Variants in ITPR1 observed in about 807,000 individuals in gnomAD.
ITPR1 encodes inositol 1,4,5-trisphosphate-gated calcium channel ITPR1.
A neutral mutation model predicts 318.4 loss-of-function variants in ITPR1; 96 were observed. That is an observed-to-expected ratio of 0.30 (90% CI 0.26 to 0.36). The LOEUF (loss-of-function observed/expected upper bound fraction) is 0.36. ITPR1 is among the 10% of genes least tolerant of loss of function. The probability of loss-of-function intolerance (pLI) is 1.00; values close to 1 mark genes in which losing one functional copy is unlikely to be tolerated. For missense variants in ITPR1, 2,440 were observed against 3,460.2 expected (o/e 0.71, Z 7.40); for synonymous variants, 1,312 against 1,289.9 (o/e 1.02, Z -0.37).
chr3:4,623,241 A>G (rs968394241), intron 4 of ITPR1, among the ~76,000 whole-genome samples: 2 of 152,130 alleles, frequency 1.3e-5, no homozygotes, highest in African/African-American at 4.8e-5. Flanking sequence ...CCTTGATACA[A>G]TGGAAGCTCA....
intron 4 of ITPR1, among the ~76,000 whole-genome samples, chr3:4,594,313 C>T (rs80253153): frequency 1.3e-3 from 203 of 152,276 alleles, no homozygotes; most frequent in Middle Eastern, 6.8e-3. Flanking sequence ...AAAATCCCAT[C>T]GTGATGGGCT....
chr3:4,819,276 C>T (rs1438190087), intron 60 of ITPR1, among the ~76,000 whole-genome samples: 1 of 152,234 alleles, frequency 6.6e-6, no homozygotes, highest in Non-Finnish European at 1.5e-5. Context: ...ACAGAGGCCT[C>T]TCCTAGGTTC....
In ITPR1 at chr3:4,593,971, A is replaced by G. The variant is rs1199714103; in HGVS notation, c.164-33792A>G. On this transcript the variant is annotated intron_variant, in intron 4 of 61. Transcript: ENST00000649015. ...CCATTCCTACTGGAGAGCTGAGATA[A>G]TTGGAGCCAGGGAGGCTACCAGGAG... 3.3e-5 allele frequency among the ~76,000 whole-genome samples: 5 copies of G among 152,322 alleles called. No individual in the cohort carries two copies. In the South Asian group the frequency reaches 6.2e-4, roughly 19 times the overall value.
chr3:4,795,038 C>T, intron 52 of ITPR1, 27 bp from the exon 53 acceptor site: 2 of 1,583,942 alleles, frequency 1.3e-6, no homozygotes, highest in Non-Finnish European at 1.7e-6. Flanking sequence ...TCTCCAGCCT[C>T]ACGCGGCTTT....
chr3:4,669,553 G>A, intron 18 of ITPR1, 101 bp from the exon 19 acceptor site: 1 of 1,141,796 alleles, frequency 8.8e-7, no homozygotes, highest in Non-Finnish European at 1.2e-6. Flanking sequence ...ACATGTCTTG[G>A]TAAAGGTATG....
intron 24 of ITPR1, among the ~76,000 whole-genome samples, chr3:4,677,273 A>G (rs1258295644): frequency 1.3e-5 from 2 of 152,206 alleles, no homozygotes; most frequent in Non-Finnish European, 2.9e-5. Context: ...AAAAAAATAG[A>G]TGAAATTCCT....
chr3:4,532,137 A>G (rs991100593), intron 4 of ITPR1, among the ~76,000 whole-genome samples: 9 of 151,966 alleles, frequency 5.9e-5, no homozygotes, highest in Non-Finnish European at 1.2e-4. Context: ...CTTCCCCCCT[A>G]TTGCATTAAC....
chr3:4,701,904 C>T (rs749535966), intron 35 of ITPR1, among the ~76,000 whole-genome samples: 40 of 152,064 alleles, frequency 2.6e-4, no homozygotes, highest in African/African-American at 5.6e-4. Context: ...TCTCCCCTGA[C>T]GCTTTCCTTT....
In ITPR1 at chr3:4,725,547, T is replaced by C; in HGVS notation, c.5138T>C (p.Leu1713Pro). The C allele has an allele frequency of 6.3e-7, 1 of 1,599,002 alleles. No homozygotes were observed. Among genetic ancestry groups the C allele is most frequent in the Non-Finnish European group, 8.5e-7 (1 of 1,179,476 alleles). The change falls in exon 41 of 62, where the codon CTT becomes CCT. Residue 1713 changes from leucine (L) to proline (P), a missense_variant and splice_region_variant. This residue lies in a region of ITPR1 where 166 missense variants were observed against 143.7 expected (regional missense o/e 1.16). Coordinates refer to ENST00000649015, the MANE Select transcript of ITPR1 (RefSeq NM_001378452.1). ...GTACTTCGTTTTACTCCCAATTAGC[T>C]TCCTCCAGCTCCGGATTCTGAGAAC... ...ISIDELDNAE[L>P]PPAPDSENAT...
At chr3:4,827,563 C>T (rs1430227010) in intron 60 of ITPR1, among the ~76,000 whole-genome samples, 1 of 152,160 alleles carries the variant, frequency 6.6e-6, no homozygotes, top group African/African-American at 2.4e-5. Context: ...ACAAGGTGAA[C>T]TAGACTGAGT....
chr3:4,767,339 C>A (rs1042593810), intron 45 of ITPR1, among the ~76,000 whole-genome samples: 5 of 152,254 alleles, frequency 3.3e-5, no homozygotes, highest in African/African-American at 1.2e-4. Context: ...TAGATGCCAG[C>A]AGCATACCCC....
Position 4,815,763 on chromosome 3 carries a change from G to C in ITPR1, c.7867+545G>C, listed in dbSNP as rs2049253521. Reference sequence around the variant, plus strand: ...TCATTTCAGGATTATTCATAATATAGCTACTAAATATATAAATTTCCTAGT... The same window carrying C: ...TCATTTCAGGATTATTCATAATATACCTACTAAATATATAAATTTCCTAGT... On this transcript the variant is annotated intron_variant, in intron 59 of 61. Transcript: ENST00000649015. Among the ~76,000 whole-genome samples the C allele has an allele frequency of 1.3e-5, 2 of 152,088 alleles. 1 individual carries two copies. The highest frequency in any genetic ancestry group is 1.3e-4 in the Admixed American group (2 of 15,280).
chr3:4,654,809 T>A (rs2093670254), intron 12 of ITPR1, among the ~76,000 whole-genome samples: 1 of 152,256 alleles, frequency 6.6e-6, no homozygotes, highest in Admixed American at 6.5e-5. Context: ...TGAATTCTGC[T>A]GTTATGGTTA....
At chr3:4,664,591 G>T (rs2093906829) in intron 16 of ITPR1, among the ~76,000 whole-genome samples, 1 of 152,250 alleles carries the variant, frequency 6.6e-6, no homozygotes, top group South Asian at 2.1e-4. Context: ...TTCATGTGAT[G>T]ATTCTCAAAT....
intron 51 of ITPR1, among the ~76,000 whole-genome samples, chr3:4,786,124 C>A (rs887144868): frequency 3.3e-5 from 5 of 152,212 alleles, no homozygotes; most frequent in South Asian, 2.1e-4. Flanking sequence ...CACCTCAGAT[C>A]ATCTTCCTTC....
intron 27 of ITPR1, 21 bp downstream of exon 27, chr3:4,683,572 G>A: frequency 1.9e-6 from 3 of 1,613,772 alleles, no homozygotes; most frequent in East Asian, 4.5e-5. Flanking sequence ...TCACCCACGT[G>A]TGTGTTGTCT....
intron 4 of ITPR1, among the ~76,000 whole-genome samples, chr3:4,558,062 C>G (rs1047608806): frequency 3.3e-5 from 5 of 152,222 alleles, no homozygotes; most frequent in Non-Finnish European, 5.9e-5. Flanking sequence ...CATTCTCAAA[C>G]CGGCCAACTT....
At chr3:4,843,074 G>GTTT (rs11404208) in intron 61 of ITPR1, among the ~76,000 whole-genome samples, 154 of 105,410 alleles carry the variant, frequency 1.5e-3, no homozygotes, top group African/African-American at 3.8e-3. Flanking sequence ...GTTTTGAGGG[G>GTTT]TTTTTTTTTT....
rs766035901 is a variant in ITPR1 at position 4,665,172 on chromosome 3, G to A, written c.1589G>A (p.Cys530Tyr). The A allele has an allele frequency of 1.9e-6, 3 of 1,614,026 alleles. No homozygotes were observed. The highest frequency in any genetic ancestry group is 1.7e-6 in the Non-Finnish European group (2 of 1,179,880). Residue 530 changes from cysteine (C) to tyrosine (Y), a missense_variant, in exon 17 of 62, where the codon TGC (cysteine) becomes TAC (tyrosine). This residue lies in a region of ITPR1 where 478 missense variants were observed against 696.3 expected (regional missense o/e 0.69). Coordinates refer to ENST00000649015, the MANE Select transcript of ITPR1 (RefSeq NM_001378452.1). ...FKLLQAPFTD[C>Y]GDGPMLRLEE... is the part of the protein sequence containing the mutation. ...TTGTTACAAGCCCCATTCACAGACT[G>A]CGGTGATGGCCCAATGCTTCGGCTG...
Sources: allele counts gnomAD v4.1 joint callset (sites outside exome capture counted in the v4.1 genomes callset), GRCh38; gene constraint gnomAD v4.1.1; regional missense constraint gnomAD v4.1.1; transcripts MANE v1.5; gene names NCBI Gene and HGNC (gene_info 2026-07-23, HGNC 2026-07-21).